Variants in SOS2 observed in about 807,000 individuals in gnomAD.
SOS2 encodes son of sevenless homolog 2.
SOS2 carries 65 observed loss-of-function variants against 148.2 expected under a neutral mutation model. The ratio of observed to expected loss-of-function variants is 0.44; its 90% CI spans 0.36 to 0.54. The LOEUF is 0.54. Ranked by LOEUF, SOS2 falls within the 20% of genes least tolerant of loss-of-function variation. The pLI is 0.00. For missense variants in SOS2, 1,341 were observed against 1,590.2 expected (o/e 0.84, Z 2.67); for synonymous variants, 539 against 537.1 (o/e 1.00, Z -0.05).
At chr14:50,224,364 C>CACACACACACAT (rs1339727223) in intron 1 of SOS2, among the ~76,000 whole-genome samples, 4 of 109,364 alleles carry the variant, frequency 3.7e-5, no homozygotes, top group African/African-American at 7.2e-5. Context: ...CACACACACA[C>CACACACACACAT]ATATATATAA....
chr14:50,168,490 G>A lies in SOS2; in HGVS notation c.1068+5964C>T, dbSNP rs1215830902. 1.3e-5 allele frequency among the ~76,000 whole-genome samples: 2 copies of A among 152,118 alleles called. 1 individual carries two copies. Among genetic ancestry groups the A allele is most frequent in the Non-Finnish European group, 2.9e-5 (2 of 68,016 alleles). ...TTTCACCTCAGCCTCCCAAAGTGCT[G>A]GGATTACAGACATGAGCCACTGTGC... On this transcript the variant is annotated intron_variant, in intron 8 of 22. Coordinates refer to ENST00000216373, the MANE Select transcript of SOS2 (RefSeq NM_006939.4).
intron 16 of SOS2, among the ~76,000 whole-genome samples, chr14:50,141,047 G>T (rs1056005513): frequency 1.3e-5 from 2 of 150,744 alleles, no homozygotes; most frequent in African/African-American, 4.9e-5. Context: ...TACTAAAAAT[G>T]CAAAAAATTA....
At chr14:50,136,814 T>G (rs1040648747) in intron 18 of SOS2, among the ~76,000 whole-genome samples, 1 of 152,142 alleles carries the variant, frequency 6.6e-6, no homozygotes, top group Non-Finnish European at 1.5e-5. Flanking sequence ...GGTCTTGAAC[T>G]CCTGACCTCA....
At chr14:50,220,618 C>T (rs1887176264) in intron 1 of SOS2, among the ~76,000 whole-genome samples, 1 of 151,996 alleles carries the variant, frequency 6.6e-6, no homozygotes, top group South Asian at 2.1e-4. Flanking sequence ...AAGGAATTCC[C>T]TCTCTTACGT....
At chr14:50,209,943 C>T (rs913613553) in intron 1 of SOS2, among the ~76,000 whole-genome samples, 10 of 152,138 alleles carry the variant, frequency 6.6e-5, no homozygotes, top group Non-Finnish European at 1.2e-4. Flanking sequence ...ACTGAATTCT[C>T]TCAAAATTGA....
In SOS2 at chr14:50,161,555, T is replaced by C. The variant is rs1376947791; in HGVS notation, c.1123A>G (p.Ile375Val). The C allele has an allele frequency of 1.2e-6, 2 of 1,612,454 alleles. No individual in the cohort carries two copies. The highest frequency in any genetic ancestry group is 1.1e-5 in the South Asian group (1 of 91,036). The change falls in exon 9 of 23, where the codon ATT (isoleucine) becomes GTT (valine). Residue 375 changes from isoleucine (I) to valine (V), a missense_variant. Around this residue, in one of 4 missense-constraint regions of SOS2, gnomAD observed 574 missense variants for 711.1 expected, o/e 0.81. Transcript: ENST00000216373. ...CCTTGGAGATTCATGAGAGCAGTAA[T>C]AGCTTGGTTCAAACATTCTCTGTCT... is the stretch of plus-strand genomic sequence containing the variant. ...QEDRECLNQA[I>V]TALMNLQGSM...
intron 8 of SOS2, among the ~76,000 whole-genome samples, chr14:50,164,568 T>C (rs1183649918): frequency 6.6e-6 from 1 of 151,692 alleles, no homozygotes; most frequent in East Asian, 1.9e-4. Flanking sequence ...GAGGTGGAGA[T>C]TGCAGTAAGC....
At chr14:50,170,757 TA>T (rs1885334633) in intron 8 of SOS2, among the ~76,000 whole-genome samples, 1 of 149,462 alleles carries the variant, frequency 6.7e-6, no homozygotes, top group African/African-American at 2.5e-5. Flanking sequence ...TTAGGAAAAT[TA>T]AAATCAAAAC....
Position 50,130,594 on chromosome 14 carries a change from C to T in SOS2, c.3244G>A (p.Ala1082Thr), listed in dbSNP as rs1470270507. The T allele has an allele frequency of 1.2e-6, 2 of 1,614,044 alleles. No homozygotes were observed. The highest frequency in any genetic ancestry group is 3.3e-5 in the Admixed American group (2 of 60,008). ...GATGGTGTATTTGGAGAGGTTGGTGCTGACACTGTTGATTCCAGCTCAGTT... is the reference window on the plus strand; with the variant it reads ...GATGGTGTATTTGGAGAGGTTGGTGTTGACACTGTTGATTCCAGCTCAGTT... ...AETELESTVS[A>T]PTSPNTPSTP... Residue 1082 changes from alanine (A) to threonine (T), a missense_variant, in exon 20 of 23, where the codon GCA becomes ACA. By Grantham distance (58) the Ala-to-Thr change is moderately conservative. Around this residue, in one of 4 missense-constraint regions of SOS2, gnomAD observed 354 missense variants for 347.7 expected, o/e 1.02. Transcript: ENST00000216373.
chr14:50,132,409 C>T (rs1047970977), intron 19 of SOS2, among the ~76,000 whole-genome samples: 36 of 149,368 alleles, frequency 2.4e-4, no homozygotes, highest in African/African-American at 8.7e-4. Context: ...ACCTGTAATC[C>T]CATCACTTTG....
intron 21 of SOS2, among the ~76,000 whole-genome samples, chr14:50,122,315 T>A (rs1327638341): frequency 2.6e-5 from 4 of 151,750 alleles, no homozygotes; most frequent in Non-Finnish European, 5.9e-5. Context: ...TTGCCAGTTA[T>A]GATTTTGAGG....
intron 1 of SOS2, among the ~76,000 whole-genome samples, chr14:50,228,993 T>C (rs111542185): frequency 3.3e-5 from 5 of 152,298 alleles, no homozygotes; most frequent in African/African-American, 1.2e-4. Context: ...AGAGGAAGGA[T>C]GCCAAGTTCT....
At chr14:50,170,829 C>G (rs1003198148) in intron 8 of SOS2, among the ~76,000 whole-genome samples, 3 of 133,740 alleles carry the variant, frequency 2.2e-5, no homozygotes, top group African/African-American at 8.3e-5. Flanking sequence ...AAAAAAAAAA[C>G]AGGCCAGGCA....
At chr14:50,205,843 C>G (rs979400143) in intron 1 of SOS2, among the ~76,000 whole-genome samples, 11 of 150,558 alleles carry the variant, frequency 7.3e-5, no homozygotes, top group African/African-American at 2.7e-4. Context: ...TTGCTTGAAC[C>G]TGGGAGGCAG....
intron 7 of SOS2, among the ~76,000 whole-genome samples, chr14:50,178,388 C>T (rs143792719): frequency 6.8e-4 from 104 of 152,194 alleles, no homozygotes; most frequent in Non-Finnish European, 1.2e-3. Context: ...CCTCCCCAGC[C>T]GTGCTTCCTG....
At chr14:50,134,937 G>C (rs903299449) in intron 18 of SOS2, among the ~76,000 whole-genome samples, 2 of 151,756 alleles carry the variant, frequency 1.3e-5, no homozygotes, top group African/African-American at 2.4e-5. Context: ...GCTGGGCGTG[G>C]TGGCGCATGC....
At chr14:50,220,405 C>CGAAAAAAAAAA (rs779813155) in intron 1 of SOS2, among the ~76,000 whole-genome samples, 2 of 30,444 alleles carry the variant, frequency 6.6e-5, no homozygotes, top group African/African-American at 2.9e-4. Context: ...GACTCCATCT[C>CGAAAAAAAAAA]AAAAAAAAAA....
rs752261628 is a variant in SOS2, at chr14:50,230,633, T to TAAG, written c.87+561_87+563dup. Among the ~76,000 whole-genome samples, 10 of 152,286 alleles carry TAAG rather than the reference T, an allele frequency of 6.6e-5. No homozygotes were observed. In the South Asian group the frequency reaches 2.1e-3, roughly 32 times the overall value. ...CTAAGGGTAATCTCTTGTAAACAGG[T>TAAG]AAGACACCGTTTGCAGGAAGTGGGA... On this transcript the variant is annotated intron_variant, in intron 1 of 22. Transcript: ENST00000216373.
chr14:50,176,191 C>T (rs1369387988), intron 7 of SOS2, among the ~76,000 whole-genome samples: 1 of 152,160 alleles, frequency 6.6e-6, no homozygotes, highest in Non-Finnish European at 1.5e-5. Flanking sequence ...CATCTATGAA[C>T]CAGAAGAGCA....
Sources: gnomAD v4.1 joint callset for allele counts (sites outside exome capture counted in the v4.1 genomes callset) on GRCh38, gnomAD v4.1.1 for gene constraint, gnomAD v4.1.1 regional missense constraint, MANE v1.5 for transcripts, NCBI Gene and HGNC (gene_info 2026-07-23, HGNC 2026-07-21) for gene names.